The following DOCK9 variants were observed in gnomAD, a reference collection of about 807,000 sequenced individuals.
DOCK9 encodes dedicator of cytokinesis protein 9.
Under a neutral mutation model 263.3 loss-of-function variants are expected in DOCK9, and 89 were observed. The ratio of observed to expected loss-of-function variants is 0.34; its 90% CI spans 0.28 to 0.40. The LOEUF is 0.40. Ranked by LOEUF, DOCK9 falls within the 10% of genes least tolerant of loss-of-function variation. The pLI, the probability that DOCK9 is intolerant of heterozygous loss-of-function variation, is 1.00. For synonymous variants in DOCK9, 976 were observed against 973.1 expected (o/e 1.00, Z -0.06); for missense variants, 2,140 against 2,603.4 (o/e 0.82, Z 3.87).
chr13:99,074,170 T>C (rs1428684250), intron 1 of DOCK9, among the ~76,000 whole-genome samples: 1 of 152,250 alleles, frequency 6.6e-6, no homozygotes, highest in Non-Finnish European at 1.5e-5. Context: ...TTTCCTTTTC[T>C]TTTTTCACAA....
intron 1 of DOCK9, among the ~76,000 whole-genome samples, chr13:98,965,820 A>G (rs966769671): frequency 6.6e-6 from 1 of 152,242 alleles, no homozygotes; most frequent in Non-Finnish European, 1.5e-5. Flanking sequence ...TATATTTTTC[A>G]TGCTCCAGTG....
At chr13:99,060,062 CTTTTTTTTTTTTTT>C (rs71114576) in intron 1 of DOCK9, among the ~76,000 whole-genome samples, 1 of 61,460 alleles carries the variant, frequency 1.6e-5, no homozygotes, top group African/African-American at 7.9e-5. Flanking sequence ...ATTGTTTCTA[CTTTTTTTTTTTTTT>C]TTTTTTTTTT....
At chr13:99,075,355 C>CTTTTT (rs142464481) in intron 1 of DOCK9, among the ~76,000 whole-genome samples, 12 of 121,986 alleles carry the variant, frequency 9.8e-5, no homozygotes, top group East Asian at 4.9e-4. Context: ...AGCTGTAGTA[C>CTTTTT]TTTTTTTTTT....
At chr13:98,875,393 T>C (rs1277496225) in intron 27 of DOCK9, among the ~76,000 whole-genome samples, 2 of 152,236 alleles carry the variant, frequency 1.3e-5, no homozygotes, top group African/African-American at 4.8e-5. Flanking sequence ...ACCCTCCTTC[T>C]TTCACTTTCA....
intron 45 of DOCK9, 63 bp from the exon 46 acceptor site, chr13:98,810,354 G>A (rs534458081): frequency 1.3e-5 from 20 of 1,592,424 alleles, no homozygotes; most frequent in South Asian, 1.0e-4. Flanking sequence ...CATGGCACCC[G>A]TTGCAGAATG....
At chr13:98,864,967 G>C (rs913111407) in intron 30 of DOCK9, among the ~76,000 whole-genome samples, 1 of 152,158 alleles carries the variant, frequency 6.6e-6, no homozygotes, top group South Asian at 2.1e-4. Flanking sequence ...CCTCCACCAT[G>C]ATTGGAAGCT....
intron 37 of DOCK9, among the ~76,000 whole-genome samples, chr13:98,847,968 T>C (rs954171734): frequency 6.6e-6 from 1 of 151,336 alleles, no homozygotes; most frequent in Non-Finnish European, 1.5e-5. Context: ...CTGCAAGGAG[T>C]TTCTAGGAGG....
chr13:98,820,348 A>G (rs2092189687), intron 45 of DOCK9, among the ~76,000 whole-genome samples: 1 of 152,202 alleles, frequency 6.6e-6, no homozygotes. Context: ...CAAAATCCAC[A>G]CAAATGTGAA....
chr13:99,061,879 G>GTT (rs60512791), intron 1 of DOCK9, among the ~76,000 whole-genome samples: 24 of 147,824 alleles, frequency 1.6e-4, no homozygotes, highest in South Asian at 4.3e-4. Flanking sequence ...TTTTGGTTTT[G>GTT]TTTTTTTTTT....
intron 27 of DOCK9, among the ~76,000 whole-genome samples, chr13:98,868,589 T>C (rs1472274526): frequency 3.9e-5 from 6 of 152,114 alleles, no homozygotes; most frequent in African/African-American, 1.4e-4. Flanking sequence ...CATAGCAAGA[T>C]TCCATCTGTA....
chr13:99,050,762 A>T, intron 1 of DOCK9, among the ~76,000 whole-genome samples: 1 of 151,746 alleles, frequency 6.6e-6, no homozygotes, highest in Non-Finnish European at 1.5e-5. Flanking sequence ...AGTCCCACAA[A>T]CTCTCTCCAT....
At chr13:98,887,139 A>ATTTT (rs1594981810) in intron 18 of DOCK9, among the ~76,000 whole-genome samples, 1 of 48,778 alleles carries the variant, frequency 2.1e-5, no homozygotes, top group Admixed American at 2.5e-4. Flanking sequence ...ATATATATAT[A>ATTTT]TATATTTTTT....
intron 1 of DOCK9, among the ~76,000 whole-genome samples, chr13:98,970,366 C>CA (rs2059616374): frequency 6.6e-6 from 1 of 152,114 alleles, no homozygotes; most frequent in Admixed American, 6.5e-5. Flanking sequence ...AAAGACAGAA[C>CA]GTGGTAGTGG....
chr13:98,897,203 T>C (rs545307471), intron 15 of DOCK9, among the ~76,000 whole-genome samples: 1 of 152,334 alleles, frequency 6.6e-6, no homozygotes, highest in South Asian at 2.1e-4. Flanking sequence ...TTCTCACCTC[T>C]TGACAAGGTT....
At chr13:99,082,565 A>T (rs1173524436) in intron 1 of DOCK9, among the ~76,000 whole-genome samples, 2 of 20,208 alleles carry the variant, frequency 9.9e-5, no homozygotes, top group Admixed American at 4.8e-4. Context: ...ATAAATAAAT[A>T]AAAAAAAACA....
intron 1 of DOCK9, among the ~76,000 whole-genome samples, chr13:99,062,414 A>T (rs2041231351): frequency 6.6e-6 from 1 of 152,224 alleles, no homozygotes; most frequent in African/African-American, 2.4e-5. Flanking sequence ...TCGTTTTTCT[A>T]ATTTGTCATG....
chr13:98,853,899 C>T (rs1392359474), intron 34 of DOCK9, among the ~76,000 whole-genome samples: 2 of 152,190 alleles, frequency 1.3e-5, no homozygotes, highest in Non-Finnish European at 2.9e-5. Flanking sequence ...ACTCAGAAGA[C>T]ACTGCACAAC....
intron 1 of DOCK9, among the ~76,000 whole-genome samples, chr13:99,080,663 T>C (rs1284371895): frequency 3.3e-5 from 5 of 152,224 alleles, no homozygotes; most frequent in African/African-American, 7.2e-5. Context: ...AAGTCTTCCT[T>C]ATCTCTGCAT....
At chr13:98,915,171 G>A (rs1196162611) in intron 8 of DOCK9, among the ~76,000 whole-genome samples, 158 bp downstream of exon 8, 2 of 152,158 alleles carry the variant, frequency 1.3e-5, no homozygotes, top group African/African-American at 4.8e-5. Context: ...AAGTTATAAT[G>A]TGACAAAACC....
Sources: allele counts gnomAD v4.1 joint callset (sites outside exome capture counted in the v4.1 genomes callset), GRCh38; gene constraint gnomAD v4.1.1; transcripts MANE v1.5; gene names NCBI Gene and HGNC (gene_info 2026-07-23, HGNC 2026-07-21).